HDAC4: variants seen among roughly 807,000 people sequenced by gnomAD.
HDAC4 encodes the protein histone deacetylase A.
A neutral mutation model predicts 135.1 loss-of-function variants in HDAC4; 16 were observed. The ratio of observed to expected loss-of-function variants is 0.12; its 90% CI spans 0.08 to 0.18. HDAC4 has a LOEUF of 0.18. HDAC4 is among the 10% of genes least tolerant of loss of function. HDAC4 has a pLI of 1.00. For synonymous variants in HDAC4, 685 were observed against 653.4 expected (o/e 1.05, Z -0.74); for missense variants, 1,143 against 1,511.8 (o/e 0.76, Z 4.05).
chr2:239,116,110 C>T (rs546573386), intron 12 of HDAC4, among the ~76,000 whole-genome samples: 10 of 152,304 alleles, frequency 6.6e-5, no homozygotes, highest in Non-Finnish European at 1.2e-4. Flanking sequence ...GCGGCAGGTG[C>T]TCCTCTCCTG....
intron 17 of HDAC4, chr2:239,091,996 G>A (rs10184565): frequency 0.21 from 32,027 of 152,026 alleles, 3,554 homozygotes; most frequent in Admixed American, 0.3. Flanking sequence ...GCGTGAACCC[G>A]GGAGGCGGAG....
chr2:239,301,884 T>G (rs1444009453), intron 2 of HDAC4, among the ~76,000 whole-genome samples: 1 of 152,116 alleles, frequency 6.6e-6, no homozygotes, highest in Non-Finnish European at 1.5e-5. Context: ...ATGCTTTGTT[T>G]CTCCATCAGA....
rs927002189 is a variant in HDAC4 at position 239,068,882 on chromosome 2, C to T, written c.2751-275G>A. On this transcript the variant is annotated intron_variant, in intron 22 of 26. Coordinates refer to ENST00000543185, the MANE Select transcript of HDAC4 (RefSeq NM_001378414.1). The surrounding 1 kb of genome is among the most constrained non-coding windows in gnomAD (Gnocchi z 4.4). ...TGGTGAGAGGGAGTCACGGTGCAAG[C>T]CAGCAAGCCCCACTGCACTTGCTTG... 2.9e-5 allele frequency: 12 copies of T among 419,588 alleles called. No individual in the cohort carries two copies. Among genetic ancestry groups the T allele is most frequent in the Non-Finnish European group, 5.0e-5 (11 of 220,070 alleles). The allele number at this position is 419,588 out of a possible 1,614,324, so 26.0% of individuals were successfully genotyped here.
intron 2 of HDAC4, among the ~76,000 whole-genome samples, chr2:239,268,839 C>A (rs180903874): frequency 3.9e-5 from 6 of 152,172 alleles, no homozygotes; most frequent in Non-Finnish European, 8.8e-5. Flanking sequence ...TACCAGGGGA[C>A]CTTAGGGCAC....
At position 239,352,770 on chromosome 2, in the gene HDAC4, G is replaced by A. The variant is rs948417218; in HGVS notation, c.-71C>T. The A allele has an allele frequency of 1.6e-5, 23 of 1,437,176 alleles. No homozygotes were observed. The highest frequency in any genetic ancestry group is 3.9e-5 in the Admixed American group (2 of 50,830). 89.0% of individuals were successfully genotyped at this position (1,437,176 alleles called of 1,614,324 possible). A position where few individuals can be genotyped will look rare whatever the true frequency, so the allele number is the denominator to read the frequency against. On this transcript the variant is annotated 5_prime_UTR_variant, in exon 2 of 27. Coordinates refer to ENST00000543185, the MANE Select transcript of HDAC4 (RefSeq NM_001378414.1). The surrounding 1 kb of genome is among the most constrained non-coding windows in gnomAD (Gnocchi z 4.4). The stretch of plus-strand genomic sequence containing the variant: ...TTTCCACGGAAACGATAGCTCCAAC[G>A]AGCTCCAAACTCCCACCAACACATA...
rs774333428 is a variant in HDAC4 at position 239,115,012 on chromosome 2, G to A, written c.1791+41C>T. On this transcript the variant is annotated intron_variant, in intron 13 of 26. Coordinates refer to ENST00000543185, the MANE Select transcript of HDAC4 (RefSeq NM_001378414.1). This position sits in a 1 kb window ranked among gnomAD's most constrained non-coding sequence, Gnocchi z 6.3. ...TGCCACCTGGGGACCGAGGGTGGCT[G>A]TGCGTGCCAGCCTTCTGGTGCCCTC... 8 of 1,602,930 alleles carry A rather than the reference G, an allele frequency of 5.0e-6. No individual in the cohort carries two copies. In the East Asian group the frequency reaches 1.8e-4, roughly 36 times the overall value.
intron 5 of HDAC4, among the ~76,000 whole-genome samples, chr2:239,169,343 C>T (rs913915649): frequency 2.6e-5 from 4 of 152,236 alleles, no homozygotes; most frequent in African/African-American, 9.6e-5. Flanking sequence ...CGCACACCCG[C>T]GATGTGGGTC....
intron 12 of HDAC4, among the ~76,000 whole-genome samples, chr2:239,116,738 C>T (rs975327553): frequency 9.2e-5 from 14 of 152,228 alleles, no homozygotes; most frequent in South Asian, 6.2e-4. Flanking sequence ...GTTGCCCCTG[C>T]AGCCTCCCTG....
intron 11 of HDAC4, among the ~76,000 whole-genome samples, chr2:239,132,466 C>T (rs2040659940): frequency 6.6e-6 from 1 of 152,176 alleles, no homozygotes; most frequent in Non-Finnish European, 1.5e-5. Context: ...ACTGGAGGGG[C>T]TTGCTGGGCA....
intron 3 of HDAC4, among the ~76,000 whole-genome samples, chr2:239,216,535 A>G (rs2046649307): frequency 6.6e-6 from 1 of 152,238 alleles, no homozygotes; most frequent in Non-Finnish European, 1.5e-5. Flanking sequence ...CTTCTGAAGA[A>G]GAGAAGGCTT....
Position 239,303,600 on chromosome 2 carries a change from T to C in HDAC4, c.22+49078A>G, listed in dbSNP as rs1047846152. 4.6e-5 allele frequency among the ~76,000 whole-genome samples: 7 copies of C among 152,240 alleles called. No homozygotes were observed. The East Asian group carries it at 5.8e-4, about 13-fold the overall frequency. The stretch of plus-strand genomic sequence containing the variant: ...CTTTCTCTGTTTTCTTTCTTTCTTT[T>C]TTTTTTTTAATTCACAATTGAGGAA... On this transcript the variant is annotated intron_variant, in intron 2 of 26. Coordinates refer to ENST00000543185, the MANE Select transcript of HDAC4 (RefSeq NM_001378414.1). The surrounding 1 kb of genome is among the most constrained non-coding windows in gnomAD (Gnocchi z 5.1).
chr2:239,070,566 C>T (rs934626417), intron 22 of HDAC4, among the ~76,000 whole-genome samples: 3 of 152,228 alleles, frequency 2.0e-5, no homozygotes, highest in Admixed American at 6.5e-5. Context: ...GAGTTAATCA[C>T]CACCACTGAC....
chr2:239,143,151 A>G (rs2041517259), intron 8 of HDAC4, among the ~76,000 whole-genome samples: 1 of 152,206 alleles, frequency 6.6e-6, no homozygotes, highest in Non-Finnish European at 1.5e-5. Context: ...CGCCCAGCCC[A>G]GTGCTGACTC....
chr2:239,378,561 C>A (rs1276267334), intron 1 of HDAC4, among the ~76,000 whole-genome samples: 1 of 152,160 alleles, frequency 6.6e-6, no homozygotes, highest in Non-Finnish European at 1.5e-5. Context: ...CCTCTGCAGG[C>A]CTCCATGGGC....
chr2:239,111,465 C>G lies in HDAC4; in HGVS notation c.1978+61G>C, dbSNP rs370985451. On this transcript the variant is annotated intron_variant, in intron 14 of 26. Transcript: ENST00000543185. Reference sequence around the variant, plus strand: ...GCAGAGCTGGGCCGGGAAGAGCCCCCCGCGCTGTGCCCACTGTGGCCCGCG... The same window carrying G: ...GCAGAGCTGGGCCGGGAAGAGCCCCGCGCGCTGTGCCCACTGTGGCCCGCG... 1,014 of 1,503,280 alleles carry G rather than the reference C, an allele frequency of 6.7e-4. 11 individuals carry two copies. In the African/African-American group the frequency reaches 0.013, roughly 19 times the overall value. The allele number at this position is 1,503,280 out of a possible 1,614,324, so 93.1% of individuals were successfully genotyped here. A position where few individuals can be genotyped will look rare whatever the true frequency, so the allele number is the denominator to read the frequency against.
At chr2:239,073,369 C>G (rs925305812) in intron 22 of HDAC4, among the ~76,000 whole-genome samples, 2 of 152,220 alleles carry the variant, frequency 1.3e-5, no homozygotes, top group African/African-American at 4.8e-5. Flanking sequence ...ACAGGGGCAG[C>G]GAGCTTCCTG....
chr2:239,169,914 A>G (rs1389146625), intron 5 of HDAC4, among the ~76,000 whole-genome samples: 1 of 152,224 alleles, frequency 6.6e-6, no homozygotes, highest in East Asian at 1.9e-4. Context: ...ATGTGCCAGG[A>G]GCCAGGGCCA....
intron 14 of HDAC4, among the ~76,000 whole-genome samples, chr2:239,110,416 G>C (rs991408297): frequency 2.4e-4 from 37 of 152,162 alleles, no homozygotes; most frequent in Non-Finnish European, 4.6e-4. Flanking sequence ...CGGTGACTGG[G>C]GTCTCCCTTG....
intron 1 of HDAC4, among the ~76,000 whole-genome samples, chr2:239,368,162 T>C (rs1694350499): frequency 6.6e-6 from 1 of 152,176 alleles, no homozygotes; most frequent in Admixed American, 6.5e-5. Context: ...GCTAAAGCTC[T>C]TTGGAGTCCA....
Sources: allele counts gnomAD v4.1 joint callset (sites outside exome capture counted in the v4.1 genomes callset), GRCh38; gene constraint gnomAD v4.1.1; non-coding constraint Gnocchi (gnomAD v3.1); transcripts MANE v1.5; gene names NCBI Gene and HGNC (gene_info 2026-07-23, HGNC 2026-07-21).